SHB: variants seen among roughly 807,000 people sequenced by gnomAD.
SHB encodes SH2 domain-containing adapter protein B.
Under a neutral mutation model 52.3 loss-of-function variants are expected in SHB, and 20 were observed. The ratio of observed to expected loss-of-function variants is 0.38; its 90% CI spans 0.27 to 0.56. SHB has a LOEUF of 0.56. SHB is among the 20% of genes least tolerant of loss of function. The pLI, the probability that SHB is intolerant of heterozygous loss-of-function variation, is 0.71. For synonymous variants in SHB, 397 were observed against 316.5 expected (o/e 1.25, Z -2.70); for missense variants, 825 against 723.3 (o/e 1.14, Z -1.61).
chr9:38,015,352 AG>A, intron 2 of SHB: 2 of 697,010 alleles, frequency 2.9e-6, no homozygotes, highest in East Asian at 5.4e-5. Flanking sequence ...TGGCTAAAAT[AG>A]GCCCCCAGGA....
intron 1 of SHB, among the ~76,000 whole-genome samples, chr9:38,039,321 G>C (rs907889490): frequency 6.6e-6 from 1 of 152,206 alleles, no homozygotes; most frequent in East Asian, 1.9e-4. Context: ...TTGCAAAAAA[G>C]AGCATTTTGA....
chr9:37,955,993 G>A lies in SHB; in HGVS notation c.1116C>T (p.Arg372=), dbSNP rs1374756034. ...SSPSPSRDRR[R]QLRAPGGGFK... ...AGCCCCCTCCAGGGGCACGAAGCTGGCGCCGCCGGTCCCGCGAAGGTGAGG... is the reference window on the plus strand; with the variant it reads ...AGCCCCCTCCAGGGGCACGAAGCTGACGCCGCCGGTCCCGCGAAGGTGAGG... The change falls in exon 4 of 6, where the codon CGC becomes CGT. Residue 372 remains arginine (R), a synonymous_variant. Coordinates refer to ENST00000377707, the MANE Select transcript of SHB (RefSeq NM_003028.3). 3 of 1,596,876 alleles carry A rather than the reference G, an allele frequency of 1.9e-6. No homozygotes were observed. Among genetic ancestry groups the A allele is most frequent in the Admixed American group, 3.6e-5 (2 of 56,274 alleles).
intron 5 of SHB, among the ~76,000 whole-genome samples, chr9:37,946,507 C>T (rs904742966): frequency 6.6e-6 from 1 of 152,332 alleles, no homozygotes; most frequent in Non-Finnish European, 1.5e-5. Flanking sequence ...AGCCCTGGCA[C>T]ATCCTGGATA....
In SHB at chr9:37,983,501, G is replaced by A. The variant is rs141061089; in HGVS notation, c.839-8664C>T. The stretch of plus-strand genomic sequence containing the variant: ...GAACCTCTGGGCAGGGAGGAGCTGG[G>A]CAGGACACAGGCTGGCACAGACGTG... On this transcript the variant is annotated intron_variant, in intron 2 of 5. Transcript: ENST00000377707. 1.8e-3 allele frequency among the ~76,000 whole-genome samples: 281 copies of A among 152,326 alleles called. 1 individual carries two copies. Among genetic ancestry groups the A allele is most frequent in the East Asian group, 0.014 (70 of 5,174 alleles).
At chr9:38,017,998 G>C (rs1392053809) in intron 1 of SHB, among the ~76,000 whole-genome samples, 1 of 152,200 alleles carries the variant, frequency 6.6e-6, no homozygotes, top group Non-Finnish European at 1.5e-5. Context: ...TCCAAATGGA[G>C]AAAATGAGTT....
At chr9:37,999,428 A>G (rs941604165) in intron 2 of SHB, among the ~76,000 whole-genome samples, 1 of 152,206 alleles carries the variant, frequency 6.6e-6, no homozygotes, top group Non-Finnish European at 1.5e-5. Context: ...GCACATGCAA[A>G]ATGACAGCTG....
intron 2 of SHB, among the ~76,000 whole-genome samples, chr9:37,987,155 C>A (rs1019279250): frequency 6.6e-6 from 1 of 152,224 alleles, no homozygotes; most frequent in Non-Finnish European, 1.5e-5. Flanking sequence ...GGCCCCTCCC[C>A]GCCTGACTGC....
chr9:37,923,295 C>G (rs1184080105), intron 5 of SHB, among the ~76,000 whole-genome samples: 1 of 152,236 alleles, frequency 6.6e-6, no homozygotes, highest in Non-Finnish European at 1.5e-5. Flanking sequence ...CCACAGCGCC[C>G]ATGGTGCAGG....
At chr9:38,038,152 G>A (rs1341285858) in intron 1 of SHB, among the ~76,000 whole-genome samples, 1 of 152,118 alleles carries the variant, frequency 6.6e-6, no homozygotes, top group Non-Finnish European at 1.5e-5. Flanking sequence ...CCCCATGCAT[G>A]TGTGCCCCAG....
chr9:37,934,763 C>G (rs906675355), intron 5 of SHB, among the ~76,000 whole-genome samples: 7 of 152,358 alleles, frequency 4.6e-5, no homozygotes, highest in African/African-American at 1.4e-4. Flanking sequence ...TTGACAACCT[C>G]TTTCCACAGG....
intron 2 of SHB, among the ~76,000 whole-genome samples, chr9:37,980,068 G>T (rs1375206306): frequency 2.0e-5 from 3 of 152,192 alleles, no homozygotes; most frequent in African/African-American, 7.2e-5. Context: ...GTTCCTGAAG[G>T]CTGAGGTGGC....
intron 5 of SHB, among the ~76,000 whole-genome samples, chr9:37,920,287 AAAC>A (rs1832163019): frequency 1.1e-5 from 1 of 92,064 alleles, no homozygotes; most frequent in Admixed American, 1.2e-4. Flanking sequence ...AAACAAAACA[AAAC>A]AAAACAAAAC....
intron 5 of SHB, among the ~76,000 whole-genome samples, chr9:37,932,273 C>CAAAAAAAAAAAAAAAAAAAAAAAAAAAA (rs56281324): frequency 1.8e-5 from 1 of 56,740 alleles, no homozygotes. Flanking sequence ...AACTCCATCT[C>CAAAAAAAAAAAAAAAAAAAAAAAAAAAA]AAAAAAAAAA....
chr9:38,002,284 C>T (rs904184754), intron 2 of SHB, among the ~76,000 whole-genome samples: 45 of 152,262 alleles, frequency 3.0e-4, no homozygotes, highest in Non-Finnish European at 5.7e-4. Context: ...TAGAGAAATG[C>T]CAACAATCTG....
intron 1 of SHB, among the ~76,000 whole-genome samples, chr9:38,016,957 G>A (rs1036659136): frequency 2.0e-5 from 3 of 152,204 alleles, no homozygotes; most frequent in Non-Finnish European, 1.5e-5. Flanking sequence ...GTCACCTGGG[G>A]GTGGGGGGCA....
At chr9:37,953,863 A>C (rs149641402) in intron 4 of SHB, among the ~76,000 whole-genome samples, 26 of 152,286 alleles carry the variant, frequency 1.7e-4, no homozygotes, top group Non-Finnish European at 2.9e-4. Flanking sequence ...CTTCTGACTC[A>C]TCTTGGGGAG....
chr9:38,034,008 C>T (rs930816954), intron 1 of SHB, among the ~76,000 whole-genome samples: 7 of 152,138 alleles, frequency 4.6e-5, no homozygotes, highest in Admixed American at 2.6e-4. Flanking sequence ...CGGGTAATAA[C>T]GGGGCTCACC....
At chr9:37,961,834 C>T (rs1216524399) in intron 3 of SHB, among the ~76,000 whole-genome samples, 1 of 152,238 alleles carries the variant, frequency 6.6e-6, no homozygotes, top group African/African-American at 2.4e-5. Context: ...CTGGCCTCTG[C>T]AACACTGAGG....
intron 4 of SHB, among the ~76,000 whole-genome samples, chr9:37,951,875 G>A (rs1467269625): frequency 6.6e-6 from 1 of 152,256 alleles, no homozygotes; most frequent in Non-Finnish European, 1.5e-5. Context: ...CTGGAGACTA[G>A]GAGTCAGGCT....
Sources: gnomAD v4.1 joint callset for allele counts (sites outside exome capture counted in the v4.1 genomes callset) on GRCh38, gnomAD v4.1.1 for gene constraint, MANE v1.5 for transcripts, NCBI Gene and HGNC (gene_info 2026-07-23, HGNC 2026-07-21) for gene names.